Variants in LGMN observed in about 807,000 individuals in gnomAD.
LGMN encodes legumain.
LGMN carries 36 observed loss-of-function variants against 56.8 expected under a neutral mutation model. The ratio of observed to expected loss-of-function variants is 0.63; its 90% CI spans 0.49 to 0.84. The LOEUF is 0.84. Ranked by LOEUF, LGMN falls within the 40% of genes least tolerant of loss-of-function variation. The probability of loss-of-function intolerance (pLI) is 0.00; values close to 1 mark genes in which losing one functional copy is unlikely to be tolerated. For synonymous variants in LGMN, 199 were observed against 210.1 expected, an observed-to-expected ratio of 0.95 and a Z score of 0.46; for missense variants, 446 against 556.1, an observed-to-expected ratio of 0.80 and a Z score of 1.99.
At chr14:92,739,027 A>C (rs148922178) in intron 1 of LGMN, among the ~76,000 whole-genome samples, 118 of 151,972 alleles carry the variant, frequency 7.8e-4, no homozygotes, top group African/African-American at 2.6e-3. Context: ...CAAAAAAAAA[A>C]AAAACAAAAA....
At chr14:92,716,785 CA>C (rs369344746) in intron 4 of LGMN, among the ~76,000 whole-genome samples, 18 of 152,076 alleles carry the variant, frequency 1.2e-4, no homozygotes, top group Middle Eastern at 3.4e-3. Flanking sequence ...AGTTTCTTAT[CA>C]AAAGGATAAT....
intron 2 of LGMN, among the ~76,000 whole-genome samples, chr14:92,727,354 C>T (rs576673200): frequency 1.4e-5 from 2 of 139,054 alleles, no homozygotes; most frequent in African/African-American, 5.4e-5. Flanking sequence ...TGATTGAACC[C>T]GGGAGGTGGA....
intron 1 of LGMN, chr14:92,733,758 G>C (rs958793951): frequency 6.6e-6 from 1 of 152,160 alleles, no homozygotes; most frequent in Non-Finnish European, 1.5e-5. Context: ...AGTGAGCCAA[G>C]ATCAGGCCAC....
intron 2 of LGMN, 47 bp downstream of exon 2, chr14:92,732,602 C>A: frequency 6.3e-7 from 1 of 1,595,680 alleles, no homozygotes; most frequent in Non-Finnish European, 8.6e-7. Context: ...GAATTGTTTT[C>A]AGAATGCCAG....
At chr14:92,715,280 A>C (rs1040476646) in intron 5 of LGMN, among the ~76,000 whole-genome samples, 22 of 151,894 alleles carry the variant, frequency 1.4e-4, no homozygotes, top group Non-Finnish European at 2.4e-4. Context: ...GTACAGTGGC[A>C]CAATCTTGCC....
chr14:92,712,064 A>C, intron 8 of LGMN, 109 bp from the exon 9 acceptor site: 1 of 838,190 alleles, frequency 1.2e-6, no homozygotes, highest in South Asian at 1.5e-5. Context: ...CATGCTACTT[A>C]TGATCCACAC....
At chr14:92,715,817 G>GA (rs199625049) in intron 5 of LGMN, 2,199 of 195,632 alleles carry the variant, frequency 0.011, 61 homozygotes, top group African/African-American at 0.049. Context: ...ATTCACACCT[G>GA]CCTCAGGGGC....
chr14:92,707,295 C>T (rs1017047710), intron 11 of LGMN, among the ~76,000 whole-genome samples: 2 of 152,112 alleles, frequency 1.3e-5, no homozygotes, highest in African/African-American at 2.4e-5. Context: ...CTGTCCTACC[C>T]GCTCTCCAGC....
rs575834731 is a variant in LGMN, at chr14:92,716,293, C to T, written c.319-72G>A. ...CCAGAGAGTTGGCTGAGTCTGCAAC[C>T]GACCCATGCCACCAGCCTGCACATT... On this transcript the variant is annotated intron_variant, in intron 4 of 13. Transcript: ENST00000334869. 70 of 1,049,910 alleles carry T rather than the reference C, an allele frequency of 6.7e-5. 1 individual carries two copies. In the South Asian group the frequency reaches 7.5e-4, roughly 11 times the overall value. The allele number at this position is 1,049,910 out of a possible 1,614,324, so 65.0% of individuals were successfully genotyped here. A position where few individuals can be genotyped will look rare whatever the true frequency, so the allele number is the denominator to read the frequency against.
rs768424391 is a variant in LGMN, at chr14:92,728,105, A to G, written c.138+4544T>C. Among the ~76,000 whole-genome samples, 55 of 152,128 alleles carry G rather than the reference A, an allele frequency of 3.6e-4. 1 individual carries two copies. Among genetic ancestry groups the G allele is most frequent in the Non-Finnish European group, 5.9e-5 (4 of 68,026 alleles). On this transcript the variant is annotated intron_variant, in intron 2 of 13. Coordinates refer to ENST00000334869, the MANE Select transcript of LGMN (RefSeq NM_005606.7). ...TCGTTTTGTGAGTATCATAGAATGT[A>G]TTTACACAACCCTAGATGGTCTAGC...
Position 92,714,842 on chromosome 14 carries a change from C to A in LGMN, c.405-391G>T, listed in dbSNP as rs34441890. On this transcript the variant is annotated intron_variant, in intron 5 of 13. Transcript: ENST00000334869. The surrounding 1 kb of genome is among the most constrained non-coding windows in gnomAD (Gnocchi z 5.1). ...CTCAACACAGGCCTGCAGCCTCCCC[C>A]CCTCCAGGCCTCCTGTGGCCCACAG... is the stretch of plus-strand genomic sequence containing the variant. Among the ~76,000 whole-genome samples the A allele has an allele frequency of 0.32, 48,712 of 151,826 alleles. 9,157 individuals are homozygous for A. The highest frequency in any genetic ancestry group is 0.45 in the Admixed American group (6,854 of 15,232).
At chr14:92,707,504 G>A (rs939969263) in intron 11 of LGMN, among the ~76,000 whole-genome samples, 2 of 152,166 alleles carry the variant, frequency 1.3e-5, no homozygotes, top group Admixed American at 6.5e-5. Context: ...AACAGCGCCC[G>A]ACGGCGAAAG....
At chr14:92,722,532 C>T (rs1310107821) in intron 2 of LGMN, among the ~76,000 whole-genome samples, 1 of 126,314 alleles carries the variant, frequency 7.9e-6, no homozygotes, top group Admixed American at 7.2e-5. Context: ...TGCAGTGAGC[C>T]GAGATTACAC....
chr14:92,704,743 C>T (rs758595882), intron 12 of LGMN, 36 bp from the exon 13 acceptor site: 1 of 1,515,604 alleles, frequency 6.6e-7, no homozygotes, highest in Non-Finnish European at 9.2e-7. Context: ...GAAACTTCCT[C>T]ATCTCACCAC....
chr14:92,719,083 A>G (rs1214153228), intron 2 of LGMN, among the ~76,000 whole-genome samples: 1 of 151,982 alleles, frequency 6.6e-6, no homozygotes, highest in Non-Finnish European at 1.5e-5. Context: ...CTACGTACAC[A>G]TTGCACATGT....
chr14:92,704,662 C>G lies in LGMN; in HGVS notation c.1237G>C (p.Glu413Gln), dbSNP rs1456944536. 6.2e-7 allele frequency: 1 copy of G among 1,613,624 alleles called. No homozygotes were observed. The highest frequency in any genetic ancestry group is 2.2e-5 in the East Asian group (1 of 44,870). ...TACCTGTGAAGCGGATACGGCTTCT[C>G]ACAAAGGTTGACCAGCACGTACAAA... ...RHLYVLVNLC[E>Q]KPYPLHRIKL... Residue 413 changes from glutamate (E) to glutamine (Q), a missense_variant, in exon 13 of 14, where the codon GAG becomes CAG. By Grantham distance (29) the Glu-to-Gln change is conservative. Coordinates refer to ENST00000334869, the MANE Select transcript of LGMN (RefSeq NM_005606.7).
At chr14:92,731,007 C>T (rs1471054011) in intron 2 of LGMN, among the ~76,000 whole-genome samples, 1 of 152,042 alleles carries the variant, frequency 6.6e-6, no homozygotes, top group Non-Finnish European at 1.5e-5. Context: ...TTTACCATGG[C>T]TCTTTTACCA....
intron 11 of LGMN, among the ~76,000 whole-genome samples, chr14:92,708,066 G>A (rs939828353): frequency 1.9e-4 from 29 of 151,422 alleles, no homozygotes; most frequent in African/African-American, 5.1e-4. Flanking sequence ...CAGGAGAATC[G>A]CTTGAACCCG....
chr14:92,719,335 G>A (rs1395986104), intron 2 of LGMN, among the ~76,000 whole-genome samples: 18 of 33,130 alleles, frequency 5.4e-4, no homozygotes, highest in South Asian at 2.4e-3. Flanking sequence ...CACCGCCACC[G>A]CCATCACCGC....
Sources: allele counts gnomAD v4.1 joint callset (sites outside exome capture counted in the v4.1 genomes callset), GRCh38; gene constraint gnomAD v4.1.1; non-coding constraint Gnocchi (gnomAD v3.1); transcripts MANE v1.5; gene names NCBI Gene and HGNC (gene_info 2026-07-23, HGNC 2026-07-21).